Variants in CNTN5 observed in about 807,000 individuals in gnomAD.
The protein encoded by CNTN5 is contactin 5, also known as contactin-5.
A neutral mutation model predicts 129.1 loss-of-function variants in CNTN5; 77 were observed. That is an observed-to-expected ratio of 0.60 (90% CI 0.50 to 0.72). CNTN5 has a LOEUF of 0.72. CNTN5 is among the 30% of genes least tolerant of loss of function. The pLI is 0.00. For missense variants in CNTN5, 1,478 were observed against 1,328.8 expected (o/e 1.11, Z -1.75); for synonymous variants, 509 against 465.6 (o/e 1.09, Z -1.20).
intron 1 of CNTN5, among the ~76,000 whole-genome samples, chr11:99,082,801 G>C (rs1295776987): frequency 1.3e-5 from 2 of 152,016 alleles, no homozygotes; most frequent in African/African-American, 2.4e-5. Flanking sequence ...TTTCAGAAGA[G>C]TTTCAAATAC....
intron 6 of CNTN5, among the ~76,000 whole-genome samples, chr11:99,907,895 A>G (rs972727328): frequency 2.0e-5 from 3 of 152,042 alleles, no homozygotes; most frequent in Non-Finnish European, 2.9e-5. Flanking sequence ...TTTACTTGCT[A>G]TTCATTGTAA....
intron 2 of CNTN5, among the ~76,000 whole-genome samples, chr11:99,344,571 A>G (rs1453631713): frequency 6.6e-6 from 1 of 152,246 alleles, no homozygotes; most frequent in Admixed American, 6.5e-5. Flanking sequence ...CTGAAAAAGA[A>G]AGTGAAGATA....
chr11:99,565,637 A>C lies in CNTN5; in HGVS notation c.55+9368A>C, dbSNP rs79447281. Among the ~76,000 whole-genome samples, 643 of 152,232 alleles carry C rather than the reference A, an allele frequency of 4.2e-3. 27 individuals carry two copies. In the East Asian group the frequency reaches 0.097, roughly 23 times the overall value. On this transcript the variant is annotated intron_variant, in intron 3 of 24. Coordinates refer to ENST00000524871, the MANE Select transcript of CNTN5 (RefSeq NM_014361.4). ...CATTGTCTGCTCTTTGGGACCATTC[A>C]GTTCTCCTGAAAAATGATTTACTAC...
intron 2 of CNTN5, among the ~76,000 whole-genome samples, chr11:99,388,963 G>A (rs1363116047): frequency 1.4e-5 from 2 of 143,632 alleles, no homozygotes; most frequent in African/African-American, 5.0e-5. Flanking sequence ...CTCAATTTAA[G>A]ACACCTAATT....
rs187231629 is a variant in CNTN5 at position 99,422,994 on chromosome 11, A to C, written c.-71+97510A>C. Among the ~76,000 whole-genome samples, 1,129 of 152,334 alleles carry C rather than the reference A, an allele frequency of 7.4e-3. 6 individuals carry two copies. The highest frequency in any genetic ancestry group is 0.013 in the Non-Finnish European group (894 of 68,020). The stretch of plus-strand genomic sequence containing the variant: ...GAGGAAGAAAACATTTTCGTTATTG[A>C]ATAAGCATGTAAATAGAATGTGATG... On this transcript the variant is annotated intron_variant, in intron 2 of 24. Coordinates refer to ENST00000524871, the MANE Select transcript of CNTN5 (RefSeq NM_014361.4).
chr11:100,230,369 CTT>C (rs1949463769), intron 16 of CNTN5, among the ~76,000 whole-genome samples: 1 of 152,156 alleles, frequency 6.6e-6, no homozygotes, highest in Non-Finnish European at 1.5e-5. Flanking sequence ...GTGATTGACA[CTT>C]ATAAAATTTC....
At chr11:99,948,281 C>T (rs909380690) in intron 7 of CNTN5, among the ~76,000 whole-genome samples, 1 of 152,158 alleles carries the variant, frequency 6.6e-6, no homozygotes, top group African/African-American at 2.4e-5. Context: ...AATAATGAAG[C>T]TTTTACATTT....
chr11:99,691,186 TC>T (rs1954026040), intron 3 of CNTN5, among the ~76,000 whole-genome samples: 1 of 148,024 alleles, frequency 6.8e-6, no homozygotes, highest in African/African-American at 2.5e-5. Context: ...CTTAATTTTT[TC>T]AAAAAAAAAA....
intron 6 of CNTN5, among the ~76,000 whole-genome samples, chr11:99,900,518 G>C (rs1414785467): frequency 1.3e-5 from 2 of 151,472 alleles, no homozygotes; most frequent in Non-Finnish European, 1.5e-5. Flanking sequence ...AGAGGTTTTT[G>C]TATGTTACAT....
chr11:99,543,999 A>C (rs573225949), intron 2 of CNTN5, among the ~76,000 whole-genome samples: 1 of 151,662 alleles, frequency 6.6e-6, no homozygotes, highest in Non-Finnish European at 1.5e-5. Flanking sequence ...ATATAGGGAC[A>C]TTGTGTTAAA....
chr11:99,421,977 GC>G (rs1460507632), intron 2 of CNTN5, among the ~76,000 whole-genome samples: 1 of 152,162 alleles, frequency 6.6e-6, no homozygotes, highest in African/African-American at 2.4e-5. Flanking sequence ...AAGAACTGCA[GC>G]TGTCTATTCA....
intron 2 of CNTN5, among the ~76,000 whole-genome samples, chr11:99,369,955 G>A (rs945566159): frequency 6.6e-6 from 1 of 152,200 alleles, no homozygotes; most frequent in Admixed American, 6.5e-5. Flanking sequence ...CAGATAACAG[G>A]CCAAAGTTAT....
intron 23 of CNTN5, among the ~76,000 whole-genome samples, chr11:100,347,277 G>C (rs973259620): frequency 2.5e-4 from 38 of 151,972 alleles, no homozygotes; most frequent in African/African-American, 8.9e-4. Flanking sequence ...CTAGCTTCTT[G>C]GGAACTGTAT....
chr11:100,002,068 C>T lies in CNTN5; in HGVS notation c.912C>T (p.Val304=), dbSNP rs2087267373. Residue 304 remains valine, a synonymous_variant, in exon 9 of 25, where the codon GTC becomes GTT. Coordinates refer to ENST00000524871, the MANE Select transcript of CNTN5 (RefSeq NM_014361.4). Reference sequence around the variant, plus strand: ...GAGAATATGAGCCGAAAATTGAGGTCCATTTTCCTTTCACGGTTACAGCTG... The same window carrying T: ...GAGAATATGAGCCGAAAATTGAGGTTCATTTTCCTTTCACGGTTACAGCTG... The part of the protein sequence containing the change: ...VMGEYEPKIE[V]HFPFTVTAAK... 1.9e-6 allele frequency: 3 copies of T among 1,598,422 alleles called. No homozygotes were observed. The highest frequency in any genetic ancestry group is 2.6e-6 in the Non-Finnish European group (3 of 1,175,448).
intron 9 of CNTN5, among the ~76,000 whole-genome samples, chr11:100,018,063 C>T (rs1940932578): frequency 6.6e-6 from 1 of 151,816 alleles, no homozygotes; most frequent in Non-Finnish European, 1.5e-5. Flanking sequence ...GTAGAGAAAA[C>T]ACAATATATT....
At chr11:100,278,181 T>C (rs967862784) in intron 18 of CNTN5, among the ~76,000 whole-genome samples, 4 of 152,088 alleles carry the variant, frequency 2.6e-5, no homozygotes, top group Admixed American at 2.6e-4. Flanking sequence ...TGTCTGTTTT[T>C]ATGCCAGGGC....
At chr11:99,149,800 A>C (rs1344850146) in intron 1 of CNTN5, among the ~76,000 whole-genome samples, 1 of 152,074 alleles carries the variant, frequency 6.6e-6, no homozygotes, top group Non-Finnish European at 1.5e-5. Context: ...TCACACACAC[A>C]AAAAAATGTA....
At chr11:100,333,723 G>C (rs1252649568) in intron 21 of CNTN5, among the ~76,000 whole-genome samples, 2 of 152,112 alleles carry the variant, frequency 1.3e-5, no homozygotes, top group Non-Finnish European at 2.9e-5. Context: ...GGGATAATTG[G>C]CTAGCCACAT....
At chr11:100,061,165 C>A in intron 9 of CNTN5, 47 bp from the exon 10 acceptor site, 1 of 1,441,968 alleles carries the variant, frequency 6.9e-7, no homozygotes, top group Non-Finnish European at 9.5e-7. Context: ...AATCTATGTT[C>A]CTAACAGTGG....
Sources: allele counts gnomAD v4.1 joint callset (sites outside exome capture counted in the v4.1 genomes callset), GRCh38; gene constraint gnomAD v4.1.1; transcripts MANE v1.5; gene names NCBI Gene and HGNC (gene_info 2026-07-23, HGNC 2026-07-21).